NFAT5: variants seen among roughly 807,000 people sequenced by gnomAD.
NFAT5 encodes nuclear factor of activated T cells 5.
Under a neutral mutation model 166.5 loss-of-function variants are expected in NFAT5, and 31 were observed. The observed-to-expected ratio is 0.19, with a 90% CI of 0.14 to 0.25. The LOEUF is 0.25. Ranked by LOEUF, NFAT5 falls within the 10% of genes least tolerant of loss-of-function variation. NFAT5 has a pLI of 1.00. For missense variants in NFAT5, 1,449 were observed against 1,821.8 expected (o/e 0.80, Z 3.72); for synonymous variants, 612 against 639.7 (o/e 0.96, Z 0.65).
intron 10 of NFAT5, among the ~76,000 whole-genome samples, chr16:69,682,615 TC>T (rs1366960908): frequency 6.6e-6 from 1 of 152,034 alleles, no homozygotes; most frequent in Non-Finnish European, 1.5e-5. Context: ...CAAGACCCTG[TC>T]TCAAAAAAAT....
intron 3 of NFAT5, among the ~76,000 whole-genome samples, chr16:69,642,070 G>A (rs1261949114): frequency 6.6e-5 from 10 of 152,152 alleles, no homozygotes; most frequent in Non-Finnish European, 1.5e-4. Context: ...CTACACTCCA[G>A]CCTGGGCAAC....
intron 10 of NFAT5, among the ~76,000 whole-genome samples, chr16:69,682,296 T>C (rs1181561857): frequency 2.3e-5 from 2 of 86,562 alleles, no homozygotes; most frequent in Non-Finnish European, 5.2e-5. Context: ...TATTTAACAT[T>C]TTTTTTTTTT....
chr16:69,589,225 C>T (rs1487314955), intron 2 of NFAT5, among the ~76,000 whole-genome samples: 1 of 151,860 alleles, frequency 6.6e-6, no homozygotes, highest in Non-Finnish European at 1.5e-5. Flanking sequence ...AACTCCCAAC[C>T]TCAGGTGATC....
In NFAT5 at chr16:69,648,529, T is replaced by G. The variant is rs927871528; in HGVS notation, c.812+943T>G. On this transcript the variant is annotated intron_variant, in intron 4 of 14. Coordinates refer to ENST00000349945, the MANE Select transcript of NFAT5 (RefSeq NM_138713.4). ...GGTGATGAAACAGGATCATGGTACA[T>G]GTTTGAGTTTTCTTTCATCTCTGCC... 1.2e-5 allele frequency: 12 copies of G among 984,868 alleles called. No individual in the cohort carries two copies. In the African/African-American group the frequency reaches 2.1e-4, roughly 17 times the overall value. The allele number at this position is 984,868 out of a possible 1,614,324, so 61.0% of individuals were successfully genotyped here.
chr16:69,650,681 T>C (rs575929082), intron 4 of NFAT5, among the ~76,000 whole-genome samples: 22 of 152,262 alleles, frequency 1.4e-4, no homozygotes, highest in Admixed American at 1.0e-3. Flanking sequence ...ACTAAAATTT[T>C]CCCTTTTCTA....
At chr16:69,685,069 C>A (rs9934681) in intron 11 of NFAT5, 99 bp downstream of exon 11, 1 of 615,406 alleles carries the variant, frequency 1.6e-6, no homozygotes, top group South Asian at 2.6e-5. Context: ...ACTTATAATA[C>A]TTTGCAGGGT....
chr16:69,644,568 T>C (rs1290344677), intron 3 of NFAT5, among the ~76,000 whole-genome samples: 1 of 152,200 alleles, frequency 6.6e-6, no homozygotes, highest in Non-Finnish European at 1.5e-5. Context: ...GGATATGATA[T>C]CACAGTTTGG....
intron 2 of NFAT5, among the ~76,000 whole-genome samples, chr16:69,623,540 T>G (rs1325485887): frequency 6.6e-6 from 1 of 151,416 alleles, no homozygotes; most frequent in Non-Finnish European, 1.5e-5. Context: ...GGAGTTTCAC[T>G]CTTATTGCCC....
chr16:69,576,809 C>G (rs2016784974), intron 2 of NFAT5, among the ~76,000 whole-genome samples: 1 of 152,154 alleles, frequency 6.6e-6, no homozygotes, highest in Admixed American at 6.5e-5. Flanking sequence ...AGAAATACCT[C>G]TCTCCTGGCT....
intron 9 of NFAT5, among the ~76,000 whole-genome samples, chr16:69,676,541 A>T (rs1050091620): frequency 6.6e-6 from 1 of 152,116 alleles, no homozygotes; most frequent in African/African-American, 2.4e-5. Context: ...TCATTCTTTT[A>T]TTCAATATGT....
In NFAT5 at chr16:69,691,965, A is replaced by G. The variant is rs2037563310; in HGVS notation, c.2140A>G (p.Ser714Gly). Reference sequence around the variant, plus strand: ...TACTTTTCCAGCAGTTTCTGCTTCTAGTCAGCTGCCCAACAGCGATGCACT... The same window carrying G: ...TACTTTTCCAGCAGTTTCTGCTTCTGGTCAGCTGCCCAACAGCGATGCACT... ...PGTFPAVSASSQLPNSDALLQ... is the reference protein window; with the variant it reads ...PGTFPAVSASGQLPNSDALLQ... Residue 714 changes from serine (S) to glycine (G), a missense_variant, in exon 13 of 15, where the codon AGT becomes GGT. Coordinates refer to ENST00000349945, the MANE Select transcript of NFAT5 (RefSeq NM_138713.4). The G allele has an allele frequency of 6.2e-7, 1 of 1,614,192 alleles. No homozygotes were observed. Among genetic ancestry groups the G allele is most frequent in the Middle Eastern group, 1.6e-4 (1 of 6,062 alleles).
chr16:69,576,040 C>A (rs548460464), intron 2 of NFAT5, among the ~76,000 whole-genome samples: 1 of 151,882 alleles, frequency 6.6e-6, no homozygotes. Context: ...CGGTGGCTCA[C>A]GCCTGTAATC....
chr16:69,644,169 C>T (rs2035335846), intron 3 of NFAT5, among the ~76,000 whole-genome samples: 1 of 151,868 alleles, frequency 6.6e-6, no homozygotes, highest in Admixed American at 6.6e-5. Context: ...CCTGTAGTCT[C>T]AGTTACTCGG....
intron 10 of NFAT5, among the ~76,000 whole-genome samples, chr16:69,677,900 C>G (rs781375198): frequency 3.3e-5 from 5 of 152,036 alleles, no homozygotes; most frequent in Non-Finnish European, 5.9e-5. Flanking sequence ...CACCTGTAAT[C>G]TCAGCACTTT....
At chr16:69,568,003 C>CT (rs2016177190) in intron 1 of NFAT5, among the ~76,000 whole-genome samples, 1 of 152,228 alleles carries the variant, frequency 6.6e-6, no homozygotes, top group East Asian at 1.9e-4. Context: ...CAAATATGGG[C>CT]TTTAGCGCTT....
intron 9 of NFAT5, among the ~76,000 whole-genome samples, chr16:69,675,816 T>C (rs1035934416): frequency 6.6e-6 from 1 of 152,114 alleles, no homozygotes; most frequent in Non-Finnish European, 1.5e-5. Context: ...ATTTTTTGTA[T>C]TTTTAGTAGA....
intron 9 of NFAT5, among the ~76,000 whole-genome samples, chr16:69,674,069 C>T (rs1168553294): frequency 2.0e-5 from 3 of 151,780 alleles, no homozygotes; most frequent in Non-Finnish European, 4.4e-5. Flanking sequence ...ATGGCAAAAC[C>T]CCATCTCTAC....
chr16:69,659,673 A>T, intron 6 of NFAT5, 54 bp from the exon 7 acceptor site: 1 of 1,402,588 alleles, frequency 7.1e-7, no homozygotes, highest in Non-Finnish European at 9.6e-7. Context: ...GATTAAGAAC[A>T]TTATACTATT....
At chr16:69,659,143 TTA>T (rs1239181174) in intron 6 of NFAT5, among the ~76,000 whole-genome samples, 1 of 148,874 alleles carries the variant, frequency 6.7e-6, no homozygotes, top group African/African-American at 2.5e-5. Flanking sequence ...TTTTTTTTTT[TTA>T]AAAAAAAGGT....
Sources: allele counts gnomAD v4.1 joint callset (sites outside exome capture counted in the v4.1 genomes callset), GRCh38; gene constraint gnomAD v4.1.1; transcripts MANE v1.5; gene names NCBI Gene and HGNC (gene_info 2026-07-23, HGNC 2026-07-21).